The following ADAMTS12 variants were observed in gnomAD, a reference collection of about 807,000 sequenced individuals.
ADAMTS12 encodes the protein A disintegrin and metalloproteinase with thrombospondin motifs 12.
A neutral mutation model predicts 167.8 loss-of-function variants in ADAMTS12; 118 were observed. The ratio of observed to expected loss-of-function variants is 0.70; its 90% CI spans 0.61 to 0.82. ADAMTS12 has a LOEUF of 0.82. Ranked by LOEUF, ADAMTS12 falls within the 40% of genes least tolerant of loss-of-function variation. ADAMTS12 has a pLI of 0.00. For missense variants in ADAMTS12, 1,916 were observed against 1,998.8 expected (o/e 0.96, Z 0.79); for synonymous variants, 704 against 716.9 (o/e 0.98, Z 0.29).
At chr5:33,711,171 G>C (rs1354214258) in intron 3 of ADAMTS12, among the ~76,000 whole-genome samples, 1 of 152,004 alleles carries the variant, frequency 6.6e-6, no homozygotes, top group African/African-American at 2.4e-5. Flanking sequence ...TCACAACCCA[G>C]AGAGTGACTG....
intron 3 of ADAMTS12, among the ~76,000 whole-genome samples, chr5:33,696,347 G>C (rs1742768272): frequency 6.6e-6 from 1 of 150,972 alleles, no homozygotes. Context: ...CGGGAACCCG[G>C]GAGGCAGAGC....
chr5:33,821,805 C>A (rs1315912204), intron 2 of ADAMTS12, among the ~76,000 whole-genome samples: 1 of 152,172 alleles, frequency 6.6e-6, no homozygotes, highest in African/African-American at 2.4e-5. Flanking sequence ...GTTAATTACC[C>A]AACATCACCC....
At position 33,527,341 on chromosome 5, in the gene ADAMTS12, C is replaced by T. The variant is rs147996448; in HGVS notation, c.4632G>A (p.Leu1544=). 1.9e-6 allele frequency: 3 copies of T among 1,613,948 alleles called. No individual in the cohort carries two copies. Among genetic ancestry groups the T allele is most frequent in the South Asian group, 2.2e-5 (2 of 91,064 alleles). ...SADLLCTKDK[L]SASFCQTLKA... ...TCAGTGTCTGGCAGAAACTGGCTGACAGTTTGTCCTTAGTGCAAAGTAAAT... is the reference window on the plus strand; with the variant it reads ...TCAGTGTCTGGCAGAAACTGGCTGATAGTTTGTCCTTAGTGCAAAGTAAAT... The change falls in exon 24 of 24, where the codon CTG becomes CTA. Residue 1544 remains leucine (L), a synonymous_variant. Transcript: ENST00000504830.
At chr5:33,794,246 G>A (rs1746688876) in intron 2 of ADAMTS12, among the ~76,000 whole-genome samples, 1 of 152,160 alleles carries the variant, frequency 6.6e-6, no homozygotes, top group Non-Finnish European at 1.5e-5. Flanking sequence ...TCCCACTTCC[G>A]CAGCTGGGGC....
chr5:33,776,319 A>G (rs1745909297), intron 2 of ADAMTS12, among the ~76,000 whole-genome samples: 1 of 152,220 alleles, frequency 6.6e-6, no homozygotes, highest in African/African-American at 2.4e-5. Flanking sequence ...TCATGTTAGT[A>G]CACAAAACAA....
At chr5:33,752,922 A>G (rs1745042381) in intron 2 of ADAMTS12, among the ~76,000 whole-genome samples, 1 of 152,242 alleles carries the variant, frequency 6.6e-6, no homozygotes, top group Admixed American at 6.5e-5. Context: ...GCTTCACTGT[A>G]GCCAGTAATG....
At chr5:33,690,350 G>T (rs1742507256) in intron 3 of ADAMTS12, among the ~76,000 whole-genome samples, 1 of 152,104 alleles carries the variant, frequency 6.6e-6, no homozygotes, top group Non-Finnish European at 1.5e-5. Context: ...ACAAACAGCT[G>T]CCTTTAAAGA....
At chr5:33,707,566 C>A (rs1434944589) in intron 3 of ADAMTS12, among the ~76,000 whole-genome samples, 1 of 152,158 alleles carries the variant, frequency 6.6e-6, no homozygotes, top group Non-Finnish European at 1.5e-5. Context: ...TACAAGGCTA[C>A]AGTTACCAAA....
chr5:33,626,553 G>A (rs1739624086), intron 13 of ADAMTS12, among the ~76,000 whole-genome samples: 1 of 151,124 alleles, frequency 6.6e-6, no homozygotes, highest in African/African-American at 2.4e-5. Flanking sequence ...TAATGATGGT[G>A]GTGGTGGTGG....
At chr5:33,816,060 C>T (rs1453463908) in intron 2 of ADAMTS12, among the ~76,000 whole-genome samples, 1 of 152,170 alleles carries the variant, frequency 6.6e-6, no homozygotes, top group Non-Finnish European at 1.5e-5. Context: ...GCCATAGTGA[C>T]TAGGAGCAAG....
In ADAMTS12 at chr5:33,576,639, C is replaced by T. The variant is rs1486520759; in HGVS notation, c.3387G>A (p.Leu1129=). ...AAGTGATAGGGTTGCGGGAAGATGACAAGCCAGAACCACTTGTTGTTGTAG... is the reference window on the plus strand; with the variant it reads ...AAGTGATAGGGTTGCGGGAAGATGATAAGCCAGAACCACTTGTTGTTGTAG... The part of the protein sequence containing the change: ...LVATTTSGSG[L]SSSRNPITWP... Residue 1129 remains leucine (L), a synonymous_variant, in exon 19 of 24, where the codon TTG becomes TTA. Transcript: ENST00000504830. The T allele has an allele frequency of 1.9e-6, 3 of 1,614,098 alleles. No homozygotes were observed. The highest frequency in any genetic ancestry group is 1.7e-5 in the Admixed American group (1 of 60,012).
At chr5:33,770,102 C>T (rs761696503) in intron 2 of ADAMTS12, among the ~76,000 whole-genome samples, 1 of 152,156 alleles carries the variant, frequency 6.6e-6, no homozygotes, top group African/African-American at 2.4e-5. Context: ...GTCTCACCAT[C>T]CATGGACAGC....
chr5:33,804,859 T>C (rs1479485484), intron 2 of ADAMTS12, among the ~76,000 whole-genome samples: 2 of 152,052 alleles, frequency 1.3e-5, no homozygotes, highest in Non-Finnish European at 2.9e-5. Context: ...GGTGAAGAGA[T>C]AGAACATTGT....
Position 33,784,497 on chromosome 5 carries a change from G to A in ADAMTS12, c.490-32949C>T, listed in dbSNP as rs114120992. 7.9e-3 allele frequency among the ~76,000 whole-genome samples: 1,200 copies of A among 151,528 alleles called. 17 individuals are homozygous for A. The highest frequency in any genetic ancestry group is 0.028 in the African/African-American group (1,150 of 41,104). On this transcript the variant is annotated intron_variant, in intron 2 of 23. Coordinates refer to ENST00000504830, the MANE Select transcript of ADAMTS12 (RefSeq NM_030955.4). ...AGACATAACAAGCAAATTTAGCAAG[G>A]TTACAGGATAACAGGTCAGTATAAA...
At chr5:33,647,335 G>GATTTCCATTTATAAAGA (rs1740705337) in intron 9 of ADAMTS12, among the ~76,000 whole-genome samples, 1 of 151,902 alleles carries the variant, frequency 6.6e-6, no homozygotes, top group Non-Finnish European at 1.5e-5. Flanking sequence ...ATTTATAAAG[G>GATTTCCATTTATAAAGA]TTACTTAGGC....
chr5:33,881,209 A>C lies in ADAMTS12; in HGVS notation c.399T>G (p.Ala133=). The stretch of plus-strand genomic sequence containing the variant: ...TGAGATGGCAGAGGGGGGCAGAGGA[A>C]GCCATCATCTTAACATGGGAGAGGT... ...YGNLSHVKMM[A]SSAPLCHLSG... is the part of the protein sequence containing the mutation. The change falls in exon 2 of 24, where the codon GCT becomes GCG. Residue 133 remains alanine (A), a synonymous_variant. Transcript: ENST00000504830. 1 of 1,614,204 alleles carries C rather than the reference A, an allele frequency of 6.2e-7. No homozygotes were observed. Among genetic ancestry groups the C allele is most frequent in the Non-Finnish European group, 8.5e-7 (1 of 1,180,040 alleles).
intron 5 of ADAMTS12, among the ~76,000 whole-genome samples, chr5:33,663,830 G>A (rs902401954): frequency 6.6e-6 from 1 of 152,138 alleles, no homozygotes; most frequent in Non-Finnish European, 1.5e-5. Flanking sequence ...TCTTTGTTAT[G>A]TTTTGGGAGA....
At chr5:33,689,088 C>T (rs987801456) in intron 3 of ADAMTS12, among the ~76,000 whole-genome samples, 4 of 152,218 alleles carry the variant, frequency 2.6e-5, no homozygotes, top group Admixed American at 2.6e-4. Context: ...GGCAGCAACA[C>T]AGCAACATAG....
At chr5:33,703,200 A>G (rs150765146) in intron 3 of ADAMTS12, among the ~76,000 whole-genome samples, 189 of 152,290 alleles carry the variant, frequency 1.2e-3, no homozygotes, top group African/African-American at 4.4e-3. Flanking sequence ...CCAGCTGACT[A>G]CCCCTGGAGG....
Sources: allele counts gnomAD v4.1 joint callset (sites outside exome capture counted in the v4.1 genomes callset), GRCh38; gene constraint gnomAD v4.1.1; transcripts MANE v1.5; gene names NCBI Gene and HGNC (gene_info 2026-07-23, HGNC 2026-07-21).